Variants in KLK10 observed in about 807,000 individuals in gnomAD.
The protein encoded by KLK10 is kallikrein-10.
A neutral mutation model predicts 25.7 loss-of-function variants in KLK10; 27 were observed. The ratio of observed to expected loss-of-function variants is 1.05; its 90% CI spans 0.77 to 1.45. The LOEUF (loss-of-function observed/expected upper bound fraction) is 1.45, where lower values mean the gene tolerates loss of function less well. KLK10 is among the 40% of genes most tolerant of loss of function. The pLI is 0.00. For synonymous variants in KLK10, 173 were observed against 160.1 expected, an observed-to-expected ratio of 1.08 and a Z score of -0.61; for missense variants, 386 against 370.0, an observed-to-expected ratio of 1.04 and a Z score of -0.35.
Position 51,014,346 on chromosome 19 carries a change from T to C in KLK10, c.*454A>G. On this transcript the variant is annotated 3_prime_UTR_variant, in exon 6 of 6. Transcript: ENST00000358789. ...CTTACATGACAATCACCATGAAGAT[T>C]TACATACACATGTTATATCATAGTC... 6.1e-6 allele frequency: 1 copy of C among 165,178 alleles called. No homozygotes were observed. The highest frequency in any genetic ancestry group is 1.7e-4 in the South Asian group (1 of 5,970). The allele number at this position is 165,178 out of a possible 1,614,324, so 10.2% of individuals were successfully genotyped here. A position where few individuals can be genotyped will look rare whatever the true frequency, so the allele number is the denominator to read the frequency against.
At position 51,013,334 on chromosome 19, in the gene KLK10, A is replaced by AAAG. The variant is rs2091286541; in HGVS notation, c.*1465_*1466insCTT. The AAAG allele has an allele frequency of 1.3e-5, 2 of 151,734 alleles. No individual in the cohort carries two copies. Among genetic ancestry groups the AAAG allele is most frequent in the Non-Finnish European group, 2.9e-5 (2 of 67,986 alleles). The allele number at this position is 151,734 out of a possible 1,614,324, so 9.4% of individuals were successfully genotyped here. On this transcript the variant is annotated 3_prime_UTR_variant, in exon 6 of 6. Coordinates refer to ENST00000358789, the MANE Select transcript of KLK10 (RefSeq NM_145888.3). ...TGAAAGGACAAACAAACAAACAAAA[A>AAAG]CCCCGTGCTTAATGGGAAATTTCTG...
chr19:51,016,124 A>G lies in KLK10; in HGVS notation c.302T>C (p.Leu101Pro). 1 of 1,588,276 alleles carries G rather than the reference A, an allele frequency of 6.3e-7. No individual in the cohort carries two copies. The highest frequency in any genetic ancestry group is 8.6e-7 in the Non-Finnish European group (1 of 1,167,356). Residue 101 changes from leucine (L) to proline (P), a missense_variant, in exon 4 of 6, where the codon CTG (leucine) becomes CCG (proline). Transcript: ENST00000358789. Reference protein sequence around the residue: ...PLWARVGDDHLLLLQGEQLRR... With the variant: ...PLWARVGDDHPLLLQGEQLRR... ...GAGCTGCTCTCCCTGAAGAAGCAGC[A>G]GGTGGTCATCCCCTACTCGAGCCCA...
chr19:51,014,574 A>G lies in KLK10; in HGVS notation c.*226T>C, dbSNP rs553910417. The G allele has an allele frequency of 1.9e-3, 789 of 405,130 alleles. 2 individuals are homozygous for G. Among genetic ancestry groups the G allele is most frequent in the Non-Finnish European group, 3.2e-3 (713 of 225,352 alleles). The allele number at this position is 405,130 out of a possible 1,614,324, so 25.1% of individuals were successfully genotyped here. Reference sequence around the variant, plus strand: ...GGCTTCTCTGGAATAAACCTTTGCCACCACTTCCTGCATTTCAGCTTCAGT... The same window carrying G: ...GGCTTCTCTGGAATAAACCTTTGCCGCCACTTCCTGCATTTCAGCTTCAGT... On this transcript the variant is annotated 3_prime_UTR_variant, in exon 6 of 6. Coordinates refer to ENST00000358789, the MANE Select transcript of KLK10 (RefSeq NM_145888.3).
chr19:51,018,680 G>A (rs936792879), intron 2 of KLK10: 5 of 257,424 alleles, frequency 1.9e-5, no homozygotes, highest in South Asian at 4.2e-5. Flanking sequence ...CTCCAGCCTG[G>A]GCGACAGAGC....
At position 51,015,416 on chromosome 19, in the gene KLK10, C is replaced by A. The variant is rs189641366; in HGVS notation, c.678+1G>T. 1.2e-6 allele frequency: 2 copies of A among 1,613,402 alleles called. No homozygotes were observed. Among genetic ancestry groups the A allele is most frequent in the Non-Finnish European group, 1.7e-6 (2 of 1,179,614 alleles). ...AGAGACTCTCCCTGTTCAGACCCTA[C>A]CTGGCAAGGGTCCTGGCCCCGGTCC... On this transcript the variant is annotated splice_donor_variant, in intron 5 of 5. Transcript: ENST00000358789. LOFTEE classifies it high-confidence loss of function.
chr19:51,014,496 G>C lies in KLK10; in HGVS notation c.*304C>G, dbSNP rs566006889. ...CAGCAGGGAGTGGCAGAGGAAGTCA[G>C]GTTGGGTGACCCCAGTAACTGCTCT... On this transcript the variant is annotated 3_prime_UTR_variant, in exon 6 of 6. Coordinates refer to ENST00000358789, the MANE Select transcript of KLK10 (RefSeq NM_145888.3). 2 of 249,268 alleles carry C rather than the reference G, an allele frequency of 8.0e-6. No individual in the cohort carries two copies. The highest frequency in any genetic ancestry group is 2.2e-5 in the African/African-American group (1 of 44,800). The allele number at this position is 249,268 out of a possible 1,614,324, so 15.4% of individuals were successfully genotyped here.
At position 51,014,287 on chromosome 19, in the gene KLK10, C is replaced by A. The variant is rs147245261; in HGVS notation, c.*513G>T. 156 of 155,372 alleles carry A rather than the reference C, an allele frequency of 1.0e-3. No homozygotes were observed. The highest frequency in any genetic ancestry group is 6.6e-3 in the Middle Eastern group (2 of 302). 9.6% of individuals were successfully genotyped at this position (155,372 alleles called of 1,614,324 possible). On this transcript the variant is annotated 3_prime_UTR_variant, in exon 6 of 6. Transcript: ENST00000358789. Reference sequence around the variant, plus strand: ...TGGTCAGATCACGACAACAGGTAACCTTTAGTCAGAACTCACCACCCACTG... The same window carrying A: ...TGGTCAGATCACGACAACAGGTAACATTTAGTCAGAACTCACCACCCACTG...
At chr19:51,015,290 G>A (rs540356267) in intron 5 of KLK10, 127 bp downstream of exon 5, 3 of 1,072,492 alleles carry the variant, frequency 2.8e-6, no homozygotes, top group Admixed American at 3.8e-5. Flanking sequence ...GTTAGGTCTG[G>A]GTAAGAGTTG....
At position 51,015,914 on chromosome 19, in the gene KLK10, AC is replaced by A. The variant is rs2091320084; in HGVS notation, c.511del (p.Val171LeufsTer12). 1 of 1,579,504 alleles carries A rather than the reference AC, an allele frequency of 6.3e-7. No homozygotes were observed. Among genetic ancestry groups the A allele is most frequent in the Non-Finnish European group, 8.6e-7 (1 of 1,165,308 alleles). The part of the protein sequence containing the change: ...RCAQPGDQCQ[V>X]AGWGTTAARR... ...GGCGGCCGTGGTGCCCCAGCCAGCA[AC>A]CTGGCACTGGTCTCCGGGCTGAGCA... On this transcript the variant is annotated frameshift_variant, in exon 4 of 6. Transcript: ENST00000358789. LOFTEE classifies it high-confidence loss of function.
intron 2 of KLK10, among the ~76,000 whole-genome samples, chr19:51,018,203 G>A (rs1465256130): frequency 1.5e-4 from 11 of 72,444 alleles, no homozygotes; most frequent in South Asian, 3.8e-4. Flanking sequence ...AAGAAAAAGA[G>A]AGAGAAAGAA....
At chr19:51,019,818 A>G (rs113503330), upstream of KLK10, 11,454 of 148,568 alleles carry the variant, frequency 0.077, 1,334 homozygotes, top group African/African-American at 0.26. The surrounding 1 kb of genome is among the most constrained non-coding windows in gnomAD (Gnocchi z 4.2). Context: ...GTCTAATTGT[A>G]CCGTGGGTGA....
rs769180250 is a variant in KLK10, at chr19:51,014,895, C to T, written c.736G>A (p.Gly246Ser). 2 of 1,613,966 alleles carry T rather than the reference C, an allele frequency of 1.2e-6. No homozygotes were observed. The highest frequency in any genetic ancestry group is 1.7e-5 in the Admixed American group (1 of 60,014). ...TGGGCAGAGCCACAGGGGTAAACACCCCACGAGAGGATGCCTTGGAGGGTC... is the reference window on the plus strand; with the variant it reads ...TGGGCAGAGCCACAGGGGTAAACACTCCACGAGAGGATGCCTTGGAGGGTC... ...DETLQGILSW[G>S]VYPCGSAQHP... Residue 246 changes from glycine to serine, a missense_variant, in exon 6 of 6, where the codon GGT becomes AGT. Gly to Ser is a moderately conservative substitution (Grantham distance 56). Coordinates refer to ENST00000358789, the MANE Select transcript of KLK10 (RefSeq NM_145888.3).
At position 51,014,957 on chromosome 19, in the gene KLK10, G is replaced by C. The variant is rs764243080; in HGVS notation, c.679-5C>G. ...CAGGGGGCCTCCAGAGTCACTCTGGGGGTGGCAGGAAGGAGAGATCAAATA... is the reference window on the plus strand; with the variant it reads ...CAGGGGGCCTCCAGAGTCACTCTGGCGGTGGCAGGAAGGAGAGATCAAATA... On this transcript the variant is annotated splice_region_variant and splice_polypyrimidine_tract_variant and intron_variant, in intron 5 of 5. Coordinates refer to ENST00000358789, the MANE Select transcript of KLK10 (RefSeq NM_145888.3). The C allele has an allele frequency of 3.7e-6, 6 of 1,612,266 alleles. No individual in the cohort carries two copies. The Admixed American group carries it at 1.0e-4, about 27-fold the overall frequency.
chr19:51,015,047 G>A (rs953782925), intron 5 of KLK10, 95 bp from the exon 6 acceptor site: 77 of 1,157,298 alleles, frequency 6.7e-5, no homozygotes, highest in Non-Finnish European at 9.3e-5. Context: ...AAGGAGTTGG[G>A]TTGGGATAAA....
rs1290557604 is a variant in KLK10, at chr19:51,013,853, T to C, written c.*947A>G. ...GGACGAAAATCTCACAGCCAATTAATAACAGACAAACCAAAGATTTTCCCC... is the reference window on the plus strand; with the variant it reads ...GGACGAAAATCTCACAGCCAATTAACAACAGACAAACCAAAGATTTTCCCC... On this transcript the variant is annotated 3_prime_UTR_variant, in exon 6 of 6. Transcript: ENST00000358789. 2.6e-5 allele frequency: 4 copies of C among 153,716 alleles called. No individual in the cohort carries two copies. The highest frequency in any genetic ancestry group is 7.2e-5 in the African/African-American group (3 of 41,446). The allele number at this position is 153,716 out of a possible 1,614,324, so 9.5% of individuals were successfully genotyped here.
intron 3 of KLK10, 40 bp downstream of exon 3, chr19:51,017,070 C>T: frequency 6.6e-7 from 1 of 1,512,042 alleles, no homozygotes; most frequent in South Asian, 1.3e-5. Flanking sequence ...GCCGCCTCCA[C>T]AGCCCCCCGT....
At chr19:51,018,164 C>CAAAAAAAAAAAAAAAAAAAAAAAAAAA (rs35154267) in intron 2 of KLK10, among the ~76,000 whole-genome samples, 18 of 36,442 alleles carry the variant, frequency 4.9e-4, no homozygotes, top group Non-Finnish European at 6.2e-4. Context: ...TGCCCTGTCT[C>CAAAAAAAAAAAAAAAAAAAAAAAAAAA]AAAAAAAAAA....
intron 2 of KLK10, 50 bp downstream of exon 2, chr19:51,018,993 G>A: frequency 7.5e-7 from 1 of 1,324,788 alleles, no homozygotes; most frequent in Non-Finnish European, 1.1e-6. Context: ...TTCTCCTCCC[G>A]CCCGTGCCTC....
Position 51,015,001 on chromosome 19 carries a change from C to A in KLK10, c.679-49G>T, listed in dbSNP as rs373468053. ...TCAAATAAATGTGCCAACGTGAGAGCTGTCACTTTGGGATCTGGGGCAGTG... is the reference window on the plus strand; with the variant it reads ...TCAAATAAATGTGCCAACGTGAGAGATGTCACTTTGGGATCTGGGGCAGTG... On this transcript the variant is annotated intron_variant, in intron 5 of 5. Transcript: ENST00000358789. 7.0e-5 allele frequency: 110 copies of A among 1,568,600 alleles called. No homozygotes were observed. In the African/African-American group the frequency reaches 1.3e-3, roughly 19 times the overall value.
Sources: gnomAD v4.1 joint callset for allele counts (sites outside exome capture counted in the v4.1 genomes callset) on GRCh38, gnomAD v4.1.1 for gene constraint, Gnocchi (gnomAD v3.1) non-coding constraint, MANE v1.5 for transcripts, NCBI Gene and HGNC (gene_info 2026-07-23, HGNC 2026-07-21) for gene names.